The following DYSF variants were observed in gnomAD, a reference collection of about 807,000 sequenced individuals.
DYSF encodes the protein dysferlin.
A neutral mutation model predicts 274.9 loss-of-function variants in DYSF; 212 were observed. The ratio of observed to expected loss-of-function variants is 0.77; its 90% confidence interval spans 0.69 to 0.86. The LOEUF (loss-of-function observed/expected upper bound fraction) is 0.86. DYSF is among the 40% of genes least tolerant of loss of function. DYSF has a pLI of 0.00. For synonymous variants in DYSF, 1,091 were observed against 1,078.7 expected (o/e 1.01, Z -0.22); for missense variants, 2,666 against 2,783.2 (o/e 0.96, Z 0.95).
At chr2:71,678,676 A>T (rs1033997729) in intron 52 of DYSF, among the ~76,000 whole-genome samples, 23 of 152,218 alleles carry the variant, frequency 1.5e-4, no homozygotes, top group African/African-American at 5.3e-4. Context: ...TTAAAATAAC[A>T]AATTTCATGT....
intron 1 of DYSF, among the ~76,000 whole-genome samples, chr2:71,480,467 T>C (rs1205279129): frequency 6.6e-6 from 1 of 152,038 alleles, no homozygotes; most frequent in Non-Finnish European, 1.5e-5. Flanking sequence ...GGTGAGAGGA[T>C]AGCTTGATCC....
At chr2:71,509,336 G>C (rs2085839261) in intron 4 of DYSF, among the ~76,000 whole-genome samples, 1 of 151,350 alleles carries the variant, frequency 6.6e-6, no homozygotes, top group African/African-American at 2.4e-5. Flanking sequence ...CTAATTTTTT[G>C]TTTTTTGTAA....
At chr2:71,509,217 C>T (rs1235526644) in intron 4 of DYSF, among the ~76,000 whole-genome samples, 4 of 152,032 alleles carry the variant, frequency 2.6e-5, no homozygotes, top group Non-Finnish European at 4.4e-5. Flanking sequence ...AGCTGGAATG[C>T]AGTGGTGTAA....
At chr2:71,620,767 G>T (rs577009563) in intron 41 of DYSF, among the ~76,000 whole-genome samples, 158 bp downstream of exon 41, 6 of 152,118 alleles carry the variant, frequency 3.9e-5, no homozygotes, top group Non-Finnish European at 1.5e-5. Flanking sequence ...TCACTGAAAA[G>T]GAGGGGTGAG....
chr2:71,617,857 TGTGTGTGTGTGGTAGAGGTGGG>T (rs200238645), intron 40 of DYSF, among the ~76,000 whole-genome samples: 574 of 26,396 alleles, frequency 0.022, 2 homozygotes, highest in Non-Finnish European at 0.035. Flanking sequence ...AGAGATGGGG[TGTGTGTGTGTGGTAGAGGTGGG>T]GTGTGTGTGG....
In DYSF at chr2:71,568,323, T is replaced by A. The variant is rs1417785127; in HGVS notation, c.2849T>A (p.Val950Glu). The A allele has an allele frequency of 1.9e-6, 3 of 1,614,110 alleles. No individual in the cohort carries two copies. The highest frequency in any genetic ancestry group is 2.5e-6 in the Non-Finnish European group (3 of 1,179,996). Reference sequence around the variant, plus strand: ...TGGACCTGGGCTGGAGATTGGTTCGTGTGTCCGGAGAAGACGTGAGTCGTG... The same window carrying A: ...TGGACCTGGGCTGGAGATTGGTTCGAGTGTCCGGAGAAGACGTGAGTCGTG... ...AGWTWAGDWF[V>E]CPEKTLLHDM... is the part of the protein sequence containing the mutation. Residue 950 changes from valine (V) to glutamate (E), a missense_variant, in exon 26 of 56, where the codon GTG (valine) becomes GAG (glutamate). Physicochemically the swap from Val to Glu is moderately radical, Grantham distance 121. Around this residue, in one of 3 missense-constraint regions of DYSF, gnomAD observed 412 missense variants for 504.0 expected, o/e 0.82. Coordinates refer to ENST00000410020, the MANE Select transcript of DYSF (RefSeq NM_001130987.2).
chr2:71,651,642 T>C (rs2094663349), intron 42 of DYSF, among the ~76,000 whole-genome samples: 2 of 152,148 alleles, frequency 1.3e-5, no homozygotes, highest in Admixed American at 1.3e-4. Flanking sequence ...AATATTAAAA[T>C]GTAGAAAACC....
Position 71,623,265 on chromosome 2 carries a change from G to A in DYSF, c.4527+2656G>A, listed in dbSNP as rs917502638. Among the ~76,000 whole-genome samples, 3 of 151,456 alleles carry A rather than the reference G, an allele frequency of 2.0e-5. No individual in the cohort carries two copies. In the South Asian group the frequency reaches 6.3e-4, roughly 32 times the overall value. ...ATGTATACATGTGCCATGCTGGTGC[G>A]CTGCACCCACTAACTCGTCATCTAG... On this transcript the variant is annotated intron_variant, in intron 41 of 55. Coordinates refer to ENST00000410020, the MANE Select transcript of DYSF (RefSeq NM_001130987.2).
chr2:71,551,167 T>C lies in DYSF; in HGVS notation c.1692+11T>C, dbSNP rs1219485048. The C allele has an allele frequency of 6.2e-7, 1 of 1,613,722 alleles. No individual in the cohort carries two copies. Among genetic ancestry groups the C allele is most frequent in the South Asian group, 1.1e-5 (1 of 91,086 alleles). The stretch of plus-strand genomic sequence containing the variant: ...CTCAACACAGGCAAGGTAAGCCGGC[T>C]GGAGCCCTGGCAAGGGCAGGATGCC... On this transcript the variant is annotated intron_variant, in intron 18 of 55. Coordinates refer to ENST00000410020, the MANE Select transcript of DYSF (RefSeq NM_001130987.2).
At chr2:71,648,813 C>T (rs762060396) in intron 42 of DYSF, among the ~76,000 whole-genome samples, 3 of 151,944 alleles carry the variant, frequency 2.0e-5, no homozygotes, top group Admixed American at 6.5e-5. Context: ...TCCATTTTTT[C>T]GTAACAGCAT....
intron 3 of DYSF, among the ~76,000 whole-genome samples, chr2:71,496,037 C>T: frequency 6.6e-6 from 1 of 151,776 alleles, no homozygotes; most frequent in Non-Finnish European, 1.5e-5. Context: ...TTCTCTTCCA[C>T]CTCCCCTCCC....
At chr2:71,477,447 G>A (rs1435442494) in intron 1 of DYSF, among the ~76,000 whole-genome samples, 1 of 152,076 alleles carries the variant, frequency 6.6e-6, no homozygotes, top group African/African-American at 2.4e-5. Flanking sequence ...CCCACTAGAT[G>A]ACCGCCTACT....
At chr2:71,613,834 G>A (rs1165663907) in intron 40 of DYSF, among the ~76,000 whole-genome samples, 1 of 152,162 alleles carries the variant, frequency 6.6e-6, no homozygotes, top group African/African-American at 2.4e-5. Flanking sequence ...GTTGTTCTGT[G>A]GGCTTGTGCT....
intron 12 of DYSF, among the ~76,000 whole-genome samples, chr2:71,525,357 G>A (rs2087749319): frequency 6.6e-6 from 1 of 152,128 alleles, no homozygotes; most frequent in Non-Finnish European, 1.5e-5. Context: ...CTGAGTAGCT[G>A]GGACTACAGG....
At position 71,539,144 on chromosome 2, in the gene DYSF, T is replaced by A; in HGVS notation, c.1494-13T>A. The A allele has an allele frequency of 6.2e-7, 1 of 1,613,274 alleles. No individual in the cohort carries two copies. Among genetic ancestry groups the A allele is most frequent in the Non-Finnish European group, 8.5e-7 (1 of 1,179,420 alleles). ...TTTCCTGTGTTCAGGCCCTCTCTGC[T>A]CCCTTGCTCTAGGGACCGCCTGACT... is the stretch of plus-strand genomic sequence containing the variant. On this transcript the variant is annotated splice_polypyrimidine_tract_variant and intron_variant, in intron 16 of 55. Coordinates refer to ENST00000410020, the MANE Select transcript of DYSF (RefSeq NM_001130987.2).
intron 12 of DYSF, among the ~76,000 whole-genome samples, chr2:71,521,745 G>A (rs2087294213): frequency 6.6e-6 from 1 of 152,064 alleles, no homozygotes; most frequent in African/African-American, 2.4e-5. Context: ...GGATGAATGT[G>A]GGTTTCTACT....
intron 53 of DYSF, among the ~76,000 whole-genome samples, chr2:71,680,732 G>A (rs762544497): frequency 1.3e-5 from 2 of 152,218 alleles, no homozygotes; most frequent in Non-Finnish European, 2.9e-5. Flanking sequence ...CATTTCATAA[G>A]CTTGCAGAGA....
chr2:71,531,931 G>A (rs2088768853), intron 14 of DYSF, among the ~76,000 whole-genome samples: 1 of 152,180 alleles, frequency 6.6e-6, no homozygotes, highest in African/African-American at 2.4e-5. Flanking sequence ...CAAAAACATT[G>A]TGACAGAGGC....
intron 44 of DYSF, 122 bp from the exon 45 acceptor site, chr2:71,660,438 C>G (rs763219335): frequency 1.1e-4 from 93 of 822,184 alleles, no homozygotes; most frequent in Non-Finnish European, 1.8e-4. Context: ...TGGCAGGACA[C>G]AGCCCACATC....
Sources: gnomAD v4.1 joint callset for allele counts (sites outside exome capture counted in the v4.1 genomes callset) on GRCh38, gnomAD v4.1.1 for gene constraint, gnomAD v4.1.1 regional missense constraint, MANE v1.5 for transcripts, NCBI Gene and HGNC (gene_info 2026-07-23, HGNC 2026-07-21) for gene names.